Variants in LIN7A observed in about 807,000 individuals in gnomAD.
The protein encoded by LIN7A is protein lin-7 homolog A.
Under a neutral mutation model 29.8 loss-of-function variants are expected in LIN7A, and 25 were observed. The ratio of observed to expected loss-of-function variants is 0.84; its 90% CI spans 0.61 to 1.17. The LOEUF (loss-of-function observed/expected upper bound fraction) is 1.17. Ranked by LOEUF, LIN7A falls within the 50% of genes most tolerant of loss-of-function variation. LIN7A has a pLI of 0.00. For synonymous variants in LIN7A, 118 were observed against 107.5 expected, an observed-to-expected ratio of 1.10 and a Z score of -0.60; for missense variants, 239 against 287.0, an observed-to-expected ratio of 0.83 and a Z score of 1.21.
intron 1 of LIN7A, among the ~76,000 whole-genome samples, chr12:80,911,339 C>A (rs1876738030): frequency 1.4e-5 from 2 of 144,552 alleles, no homozygotes; most frequent in South Asian, 4.3e-4. Flanking sequence ...TGGACATGAG[C>A]TCCTAGGCTA....
rs570831590 is a variant in LIN7A at position 80,933,874 on chromosome 12, G to A, written c.82+3767C>T. 1.6e-4 allele frequency among the ~76,000 whole-genome samples: 25 copies of A among 151,974 alleles called. No homozygotes were observed. The South Asian group carries it at 5.2e-3, about 32-fold the overall frequency. On this transcript the variant is annotated intron_variant, in intron 1 of 5. Transcript: ENST00000552864. ...TACCCAGTTTTATTTCTTCTCCTTG[G>A]CACTTGTAGTTGTTTATGTGTGTGT...
intron 1 of LIN7A, among the ~76,000 whole-genome samples, chr12:80,933,685 T>C (rs1878044199): frequency 2.0e-5 from 3 of 152,184 alleles, no homozygotes; most frequent in African/African-American, 7.2e-5. Flanking sequence ...TCCTGGCTGT[T>C]CCCAGTATGC....
chr12:80,933,267 C>CT (rs1391451476), intron 1 of LIN7A, among the ~76,000 whole-genome samples: 3 of 152,070 alleles, frequency 2.0e-5, no homozygotes, highest in Non-Finnish European at 4.4e-5. Context: ...ATTTCTACCC[C>CT]AGGATGCATA....
intron 2 of LIN7A, among the ~76,000 whole-genome samples, chr12:80,859,250 G>T: frequency 6.6e-6 from 1 of 152,114 alleles, no homozygotes; most frequent in East Asian, 1.9e-4. Context: ...TATAATTAGG[G>T]AGCAAACAAT....
chr12:80,811,931 A>G (rs1495336), intron 4 of LIN7A, among the ~76,000 whole-genome samples: 17,465 of 152,232 alleles, frequency 0.11, 1,095 homozygotes, highest in East Asian at 0.27. Context: ...AGCAATGAAG[A>G]CCTAAATTAT....
chr12:80,856,424 A>C (rs1027113161), intron 2 of LIN7A, among the ~76,000 whole-genome samples: 1 of 152,200 alleles, frequency 6.6e-6, no homozygotes, highest in Non-Finnish European at 1.5e-5. Flanking sequence ...AATTGGTTTT[A>C]CCAGTTGACA....
intron 2 of LIN7A, among the ~76,000 whole-genome samples, chr12:80,865,735 CTA>C (rs1254854787): frequency 6.6e-6 from 1 of 152,154 alleles, no homozygotes; most frequent in Admixed American, 6.5e-5. Context: ...TAAGACATTG[CTA>C]TGTGATCTGG....
chr12:80,833,961 C>T (rs1200308770), intron 4 of LIN7A, among the ~76,000 whole-genome samples: 2 of 152,274 alleles, frequency 1.3e-5, no homozygotes, highest in East Asian at 1.9e-4. Flanking sequence ...ATTATCTCTG[C>T]TCACTTATCT....
At chr12:80,895,637 T>C (rs1875847988) in intron 1 of LIN7A, among the ~76,000 whole-genome samples, 3 of 152,362 alleles carry the variant, frequency 2.0e-5, no homozygotes, top group African/African-American at 7.2e-5. Context: ...ACTGCAATTT[T>C]GCCAAGTTGT....
At chr12:80,926,443 A>C (rs1275255852) in intron 1 of LIN7A, among the ~76,000 whole-genome samples, 1 of 152,196 alleles carries the variant, frequency 6.6e-6, no homozygotes, top group African/African-American at 2.4e-5. Flanking sequence ...CTATTTAGAA[A>C]TAGGATCATT....
At chr12:80,875,367 C>T (rs1219707647) in intron 2 of LIN7A, among the ~76,000 whole-genome samples, 1 of 152,164 alleles carries the variant, frequency 6.6e-6, no homozygotes, top group Non-Finnish European at 1.5e-5. Flanking sequence ...GCAAAGAAAG[C>T]ATAGCACTAG....
chr12:80,933,992 G>A lies in LIN7A; in HGVS notation c.82+3649C>T, dbSNP rs528232779. 2.6e-4 allele frequency among the ~76,000 whole-genome samples: 40 copies of A among 152,144 alleles called. 1 individual carries two copies. Among genetic ancestry groups the A allele is most frequent in the South Asian group, 1.5e-3 (7 of 4,818 alleles). ...CACAGTGTATAAAACAATGTTTGGC[G>A]TAAGTCTGGTGCACAATATTTATTT... On this transcript the variant is annotated intron_variant, in intron 1 of 5. Coordinates refer to ENST00000552864, the MANE Select transcript of LIN7A (RefSeq NM_004664.4).
In LIN7A at chr12:80,924,795, T is replaced by C. The variant is rs76812539; in HGVS notation, c.82+12846A>G. Among the ~76,000 whole-genome samples the C allele has an allele frequency of 9.8e-5, 15 of 152,326 alleles. No homozygotes were observed. In the East Asian group the frequency reaches 2.9e-3, roughly 29 times the overall value. ...GATATCTGTATATGATTAGCTTATA[T>C]TAGAAAAATAAAATAAGACAGCTGA... On this transcript the variant is annotated intron_variant, in intron 1 of 5. Coordinates refer to ENST00000552864, the MANE Select transcript of LIN7A (RefSeq NM_004664.4).
At chr12:80,898,012 A>G (rs1052897914) in intron 1 of LIN7A, among the ~76,000 whole-genome samples, 1 of 151,996 alleles carries the variant, frequency 6.6e-6, no homozygotes. Context: ...TTTTGTTGCA[A>G]TTGCTTTTGA....
At chr12:80,929,896 G>T (rs893656249) in intron 1 of LIN7A, among the ~76,000 whole-genome samples, 3 of 152,028 alleles carry the variant, frequency 2.0e-5, no homozygotes, top group African/African-American at 7.2e-5. Flanking sequence ...ATCACTTTCA[G>T]CAGTCCCTCA....
At chr12:80,865,317 TA>T (rs561342720) in intron 2 of LIN7A, among the ~76,000 whole-genome samples, 10 of 152,164 alleles carry the variant, frequency 6.6e-5, no homozygotes, top group Non-Finnish European at 1.3e-4. Context: ...TCTGTCATTT[TA>T]AAAAAAAGGT....
intron 4 of LIN7A, among the ~76,000 whole-genome samples, chr12:80,838,894 A>T (rs948086141): frequency 6.6e-6 from 1 of 152,190 alleles, no homozygotes; most frequent in African/African-American, 2.4e-5. Flanking sequence ...AGGGCTGTTC[A>T]GTTAGCCGGG....
intron 1 of LIN7A, among the ~76,000 whole-genome samples, chr12:80,904,049 C>A (rs992643355): frequency 5.3e-5 from 8 of 151,840 alleles, no homozygotes; most frequent in African/African-American, 1.7e-4. Flanking sequence ...TCTATGTGGG[C>A]AAGACCATCA....
intron 4 of LIN7A, among the ~76,000 whole-genome samples, chr12:80,820,514 G>A (rs1395198069): frequency 1.3e-5 from 2 of 152,064 alleles, no homozygotes; most frequent in African/African-American, 4.8e-5. Flanking sequence ...GACTAAAACT[G>A]GAAACAAATG....
Sources: allele counts gnomAD v4.1 joint callset (sites outside exome capture counted in the v4.1 genomes callset), GRCh38; gene constraint gnomAD v4.1.1; transcripts MANE v1.5; gene names NCBI Gene and HGNC (gene_info 2026-07-23, HGNC 2026-07-21).